PDE3A: variants seen among roughly 807,000 people sequenced by gnomAD.
PDE3A encodes the protein phosphodiesterase 3A.
PDE3A carries 43 observed loss-of-function variants against 98.3 expected under a neutral mutation model. That is an observed-to-expected ratio of 0.44 (90% confidence interval 0.34 to 0.56). The LOEUF (loss-of-function observed/expected upper bound fraction) is 0.56. Among genes scored for constraint, PDE3A ranks in the 20% least tolerant of loss-of-function variants. The pLI, the probability that PDE3A is intolerant of heterozygous loss-of-function variation, is 0.01. For synonymous variants in PDE3A, 663 were observed against 567.9 expected, an observed-to-expected ratio of 1.17 and a Z score of -2.38; for missense variants, 1,427 against 1,440.7, an observed-to-expected ratio of 0.99 and a Z score of 0.15.
intron 1 of PDE3A, among the ~76,000 whole-genome samples, chr12:20,441,541 C>A (rs1053217960): frequency 6.6e-6 from 1 of 152,006 alleles, no homozygotes; most frequent in Non-Finnish European, 1.5e-5. Flanking sequence ...CACAGTAAAC[C>A]TAAGAAGTAG....
intron 1 of PDE3A, among the ~76,000 whole-genome samples, chr12:20,373,281 G>A (rs1032475925): frequency 6.6e-6 from 1 of 152,064 alleles, no homozygotes; most frequent in Non-Finnish European, 1.5e-5. Context: ...GCAAGTGTCT[G>A]TTAAGGTGTG....
chr12:20,579,169 C>T (rs1208704806), intron 2 of PDE3A, among the ~76,000 whole-genome samples: 1 of 152,130 alleles, frequency 6.6e-6, no homozygotes, highest in Non-Finnish European at 1.5e-5. Flanking sequence ...TTGAGTTATT[C>T]TATCCAACTG....
intron 2 of PDE3A, among the ~76,000 whole-genome samples, chr12:20,598,270 C>T (rs1002999096): frequency 1.3e-5 from 2 of 151,894 alleles, no homozygotes; most frequent in African/African-American, 4.8e-5. Flanking sequence ...GCAACCTCCG[C>T]CTCCTTGGTC....
intron 12 of PDE3A, among the ~76,000 whole-genome samples, chr12:20,648,435 G>C (rs1159065988): frequency 1.3e-5 from 2 of 151,594 alleles, no homozygotes; most frequent in Non-Finnish European, 2.9e-5. Context: ...TATTAAGATA[G>C]GCGAGTGCCC....
chr12:20,533,575 G>C (rs987571242), intron 1 of PDE3A, among the ~76,000 whole-genome samples: 1 of 150,126 alleles, frequency 6.7e-6, no homozygotes, highest in South Asian at 2.1e-4. Context: ...TCCGCCTCCC[G>C]GGTTCCCGCC....
At chr12:20,436,318 G>C (rs1944778477) in intron 1 of PDE3A, among the ~76,000 whole-genome samples, 1 of 152,016 alleles carries the variant, frequency 6.6e-6, no homozygotes, top group Admixed American at 6.6e-5. Flanking sequence ...GTGGGGGAGA[G>C]GGGCTATACT....
At chr12:20,544,962 G>A (rs1418472019) in intron 1 of PDE3A, among the ~76,000 whole-genome samples, 2 of 151,816 alleles carry the variant, frequency 1.3e-5, no homozygotes, top group Non-Finnish European at 2.9e-5. Flanking sequence ...ATGCTAACAG[G>A]TACTGGGACT....
rs1943532092 is a variant in PDE3A at position 20,374,332 on chromosome 12, A to G, written c.960+4088A>G. 2.0e-5 allele frequency among the ~76,000 whole-genome samples: 3 copies of G among 152,250 alleles called. No homozygotes were observed. In the South Asian group the frequency reaches 6.2e-4, roughly 32 times the overall value. On this transcript the variant is annotated intron_variant, in intron 1 of 15. Transcript: ENST00000359062. ...TCTATATAAATTTACAGAGGCTGGA[A>G]GGAGTGAAAACAGTAATTTTACTCT... is the stretch of plus-strand genomic sequence containing the variant.
rs1945749280 is a variant in PDE3A at position 20,680,472 on chromosome 12, A to G, written c.*201A>G. ...ACTTTTTGCTCAAAGAAGCTTTCACATTGCAACACCAGCTTCTAAGGATTT... is the reference window on the plus strand; with the variant it reads ...ACTTTTTGCTCAAAGAAGCTTTCACGTTGCAACACCAGCTTCTAAGGATTT... On this transcript the variant is annotated 3_prime_UTR_variant, in exon 16 of 16. Coordinates refer to ENST00000359062, the MANE Select transcript of PDE3A (RefSeq NM_000921.5). The G allele has an allele frequency of 1.8e-6, 1 of 561,050 alleles. No individual in the cohort carries two copies. The highest frequency in any genetic ancestry group is 3.2e-6 in the Non-Finnish European group (1 of 312,264). The allele number at this position is 561,050 out of a possible 1,614,324, so 34.8% of individuals were successfully genotyped here. A position where few individuals can be genotyped will look rare whatever the true frequency, so the allele number is the denominator to read the frequency against.
At chr12:20,555,385 T>C (rs1942344399) in intron 1 of PDE3A, among the ~76,000 whole-genome samples, 1 of 152,216 alleles carries the variant, frequency 6.6e-6, no homozygotes, top group African/African-American at 2.4e-5. Context: ...ATTTACAATG[T>C]AAAGTAATTA....
intron 15 of PDE3A, among the ~76,000 whole-genome samples, chr12:20,669,803 A>T (rs1319004998): frequency 1.3e-5 from 2 of 152,158 alleles, no homozygotes; most frequent in Non-Finnish European, 2.9e-5. Context: ...AACGAGCAAA[A>T]TAACCAGCTA....
intron 1 of PDE3A, among the ~76,000 whole-genome samples, chr12:20,514,810 C>T (rs997752250): frequency 3.3e-4 from 50 of 152,182 alleles, no homozygotes; most frequent in Non-Finnish European, 5.0e-4. Context: ...AGCTGTGTGA[C>T]TTTGGCATGT....
intron 1 of PDE3A, among the ~76,000 whole-genome samples, chr12:20,435,547 AAAGT>A (rs1297059972): frequency 6.6e-6 from 1 of 152,178 alleles, no homozygotes; most frequent in African/African-American, 2.4e-5. Flanking sequence ...GGTGATAGGA[AAAGT>A]ACTATTATTA....
chr12:20,526,818 A>G lies in PDE3A; in HGVS notation c.961-29842A>G, dbSNP rs139284868. ...AATTGATGATGTAGCCAACTCCTTT[A>G]TTGAAGTAAACTGTGAAGCTAATAA... is the stretch of plus-strand genomic sequence containing the variant. On this transcript the variant is annotated intron_variant, in intron 1 of 15. Transcript: ENST00000359062. 2.7e-5 allele frequency among the ~76,000 whole-genome samples: 4 copies of G among 150,702 alleles called. No individual in the cohort carries two copies. In the East Asian group the frequency reaches 7.8e-4, roughly 30 times the overall value.
In PDE3A at chr12:20,668,156, C is replaced by T. The variant is rs562132940; in HGVS notation, c.3185-11874C>T. Among the ~76,000 whole-genome samples the T allele has an allele frequency of 5.6e-3, 858 of 152,216 alleles. 11 individuals are homozygous for T. The highest frequency in any genetic ancestry group is 0.02 in the African/African-American group (835 of 41,568). On this transcript the variant is annotated intron_variant, in intron 15 of 15. Coordinates refer to ENST00000359062, the MANE Select transcript of PDE3A (RefSeq NM_000921.5). ...CTTTTCCGACGGGCTTAAAAAACGG[C>T]GCACCATGAGATTATATCCCGCACC... is the stretch of plus-strand genomic sequence containing the variant.
intron 1 of PDE3A, among the ~76,000 whole-genome samples, chr12:20,510,602 G>C (rs80344894): frequency 0.029 from 4,415 of 152,136 alleles, 91 homozygotes; most frequent in Non-Finnish European, 0.044. Context: ...TTAGGCAAAG[G>C]ATTGATGAAA....
At chr12:20,481,913 C>T (rs962202572) in intron 1 of PDE3A, among the ~76,000 whole-genome samples, 6 of 151,282 alleles carry the variant, frequency 4.0e-5, no homozygotes, top group African/African-American at 2.4e-5. Context: ...TACAGGCGCC[C>T]GCCACCACGC....
chr12:20,552,131 T>C lies in PDE3A; in HGVS notation c.961-4529T>C. 6.2e-7 allele frequency: 1 copy of C among 1,613,476 alleles called. No homozygotes were observed. On this transcript the variant is annotated intron_variant, in intron 1 of 15. Coordinates refer to ENST00000359062, the MANE Select transcript of PDE3A (RefSeq NM_000921.5). This position sits in a 1 kb window ranked among gnomAD's most constrained non-coding sequence, Gnocchi z 5.1. ...GCGGAACAGTCTTGTGATCAGAAACTCACCAACACCAACAGGGCGCTGGCT... is the reference window on the plus strand; with the variant it reads ...GCGGAACAGTCTTGTGATCAGAAACCCACCAACACCAACAGGGCGCTGGCT...
intron 1 of PDE3A, among the ~76,000 whole-genome samples, chr12:20,411,059 C>G (rs1158954954): frequency 3.3e-5 from 5 of 152,130 alleles, no homozygotes; most frequent in Admixed American, 6.5e-5. Flanking sequence ...AAACTAGTGA[C>G]CAAAGAGAGT....
Sources: allele counts gnomAD v4.1 joint callset (sites outside exome capture counted in the v4.1 genomes callset), GRCh38; gene constraint gnomAD v4.1.1; non-coding constraint Gnocchi (gnomAD v3.1); transcripts MANE v1.5; gene names NCBI Gene and HGNC (gene_info 2026-07-23, HGNC 2026-07-21).